Variants in MYLK observed in about 807,000 individuals in gnomAD.
The protein encoded by MYLK is myosin light chain kinase, smooth muscle.
MYLK carries 106 observed loss-of-function variants against 203.4 expected under a neutral mutation model. The ratio of observed to expected loss-of-function variants is 0.52; its 90% CI spans 0.45 to 0.61. The LOEUF is 0.61. MYLK is among the 20% of genes least tolerant of loss of function. The pLI is 0.00. For missense variants in MYLK, 2,072 were observed against 2,442.3 expected, an observed-to-expected ratio of 0.85 and a Z score of 3.20; for synonymous variants, 867 against 959.5, an observed-to-expected ratio of 0.90 and a Z score of 1.78.
intron 2 of MYLK, among the ~76,000 whole-genome samples, chr3:123,874,531 T>C (rs2033025605): frequency 6.6e-6 from 1 of 152,074 alleles, no homozygotes; most frequent in African/African-American, 2.4e-5. Context: ...ATGTAAAACG[T>C]CTTGAAGAAA....
At chr3:123,724,932 T>TG (rs201530843) in intron 12 of MYLK, among the ~76,000 whole-genome samples, 3,968 of 151,944 alleles carry the variant, frequency 0.026, 160 homozygotes, top group African/African-American at 0.085. Flanking sequence ...TTAGTAGAGA[T>TG]GGGGGTCTCA....
At chr3:123,636,878 C>T (rs888406938) in intron 29 of MYLK, among the ~76,000 whole-genome samples, 2 of 152,188 alleles carry the variant, frequency 1.3e-5, no homozygotes, top group African/African-American at 4.8e-5. Flanking sequence ...GCAGGTTCCA[C>T]TGAGGGGACT....
chr3:123,711,386 G>A (rs1172196291), intron 13 of MYLK, among the ~76,000 whole-genome samples: 1 of 152,204 alleles, frequency 6.6e-6, no homozygotes, highest in East Asian at 1.9e-4. Context: ...AAAACTGGGA[G>A]AAAAAATCAA....
chr3:123,713,334 G>A (rs375365948), intron 13 of MYLK, among the ~76,000 whole-genome samples: 10 of 152,126 alleles, frequency 6.6e-5, no homozygotes, highest in East Asian at 3.9e-4. Context: ...CTTAACTAAC[G>A]GGAAGTGACT....
intron 14 of MYLK, 157 bp from the exon 15 acceptor site, chr3:123,709,052 C>A: frequency 1.6e-6 from 1 of 630,978 alleles, no homozygotes. Context: ...ACAGGATCTA[C>A]CTCATGGGTT....
Position 123,700,039 on chromosome 3 carries a change from G to A in MYLK, c.3429C>T (p.Phe1143=). The change falls in exon 18 of 34, where the codon TTC becomes TTT. Residue 1143 remains phenylalanine, a synonymous_variant. Coordinates refer to ENST00000360304, the MANE Select transcript of MYLK (RefSeq NM_053025.4). The stretch of plus-strand genomic sequence containing the variant: ...ATTTACCTTCCTGGGAGAGGATGAT[G>A]AACTTGGTGGTCTTGAGGGTCTTTC... ...LNGKTLKTTK[F]IILSQEGSLC... The A allele has an allele frequency of 6.2e-7, 1 of 1,614,084 alleles. No individual in the cohort carries two copies. The highest frequency in any genetic ancestry group is 8.5e-7 in the Non-Finnish European group (1 of 1,180,026).
At chr3:123,821,446 G>A (rs993573446) in intron 3 of MYLK, among the ~76,000 whole-genome samples, 1 of 152,188 alleles carries the variant, frequency 6.6e-6, no homozygotes, top group Non-Finnish European at 1.5e-5. Context: ...CAGTAAGAAT[G>A]AATTTTATCA....
chr3:123,783,868 T>C (rs993447121), intron 4 of MYLK, among the ~76,000 whole-genome samples: 2 of 152,234 alleles, frequency 1.3e-5, no homozygotes, highest in African/African-American at 4.8e-5. Context: ...ACAGGAGTGA[T>C]GAGAAATTTC....
Position 123,798,694 on chromosome 3 carries a change from A to G in MYLK, c.-3-4850T>C, listed in dbSNP as rs149075192. Among the ~76,000 whole-genome samples the G allele has an allele frequency of 4.2e-4, 64 of 152,230 alleles. No homozygotes were observed. The East Asian group carries it at 9.5e-3, about 23-fold the overall frequency. On this transcript the variant is annotated intron_variant, in intron 3 of 33. Transcript: ENST00000360304. ...ACGCAAATCAATACAGCAAGGGAAC[A>G]TCTAGTCCCTTGCAAAGTGCTTTTG...
chr3:123,644,187 G>A (rs2058934536), intron 27 of MYLK, among the ~76,000 whole-genome samples: 1 of 152,040 alleles, frequency 6.6e-6, no homozygotes, highest in Non-Finnish European at 1.5e-5. Context: ...TTTAATCTCA[G>A]TTTCTCCATC....
chr3:123,777,844 G>T (rs954216271), intron 4 of MYLK, among the ~76,000 whole-genome samples: 1 of 152,166 alleles, frequency 6.6e-6, no homozygotes, highest in Non-Finnish European at 1.5e-5. Context: ...ACCCACACGT[G>T]ATCTCCAGAG....
intron 4 of MYLK, among the ~76,000 whole-genome samples, chr3:123,781,592 C>T (rs1215867707): frequency 2.0e-5 from 3 of 152,228 alleles, no homozygotes; most frequent in African/African-American, 7.2e-5. Context: ...TATTAAAAAT[C>T]AGATGTGATC....
chr3:123,699,622 T>G (rs1372527522), intron 18 of MYLK, among the ~76,000 whole-genome samples: 1 of 152,268 alleles, frequency 6.6e-6, no homozygotes, highest in South Asian at 2.1e-4. Context: ...CCAGCCTCTG[T>G]GTCCCCCACC....
intron 3 of MYLK, among the ~76,000 whole-genome samples, chr3:123,817,157 T>A (rs1226840177): frequency 6.6e-6 from 1 of 152,170 alleles, no homozygotes; most frequent in Non-Finnish European, 1.5e-5. Context: ...ATGAGGATAT[T>A]TTTAGTTTCT....
chr3:123,657,454 C>A, intron 23 of MYLK, 26 bp from the exon 24 acceptor site: 1 of 1,610,812 alleles, frequency 6.2e-7, no homozygotes, highest in Non-Finnish European at 8.5e-7. Context: ...CACAACATCA[C>A]CCACACTTTC....
chr3:123,738,123 A>G (rs1365064138), intron 7 of MYLK, among the ~76,000 whole-genome samples: 1 of 151,116 alleles, frequency 6.6e-6, no homozygotes, highest in African/African-American at 2.4e-5. Flanking sequence ...TCCTGACAAT[A>G]TTTTGAGGTA....
At chr3:123,775,143 C>T (rs749798800) in intron 4 of MYLK, among the ~76,000 whole-genome samples, 9 of 152,240 alleles carry the variant, frequency 5.9e-5, no homozygotes, top group South Asian at 2.1e-4. Context: ...CCCACCTTAG[C>T]CTCTCAGTAG....
chr3:123,880,958 C>G (rs1040013252), intron 1 of MYLK, among the ~76,000 whole-genome samples: 6 of 152,166 alleles, frequency 3.9e-5, no homozygotes, highest in Non-Finnish European at 5.9e-5. Context: ...GGTCCACCCA[C>G]CTTGAGTTTG....
chr3:123,841,290 T>C (rs529120883), intron 2 of MYLK, among the ~76,000 whole-genome samples: 2 of 152,192 alleles, frequency 1.3e-5, no homozygotes, highest in Non-Finnish European at 2.9e-5. Flanking sequence ...TATAAAATAG[T>C]AGAGACAGAA....
Sources: gnomAD v4.1 joint callset for allele counts (sites outside exome capture counted in the v4.1 genomes callset) on GRCh38, gnomAD v4.1.1 for gene constraint, MANE v1.5 for transcripts, NCBI Gene and HGNC (gene_info 2026-07-23, HGNC 2026-07-21) for gene names.